KANK1: variants seen among roughly 807,000 people sequenced by gnomAD.
The protein encoded by KANK1 is KN motif and ankyrin repeat domain-containing protein 1.
In KANK1, 109 loss-of-function variants were observed where a neutral mutation model predicts 106.2. The ratio of observed to expected loss-of-function variants is 1.03; its 90% CI spans 0.88 to 1.20. The LOEUF is 1.20. Ranked by LOEUF, KANK1 falls within the 50% of genes most tolerant of loss-of-function variation. The pLI, the probability that KANK1 is intolerant of heterozygous loss-of-function variation, is 0.00. For synonymous variants in KANK1, 873 were observed against 652.2 expected (o/e 1.34, Z -5.16); for missense variants, 2,399 against 1,710.7 (o/e 1.40, Z -7.10).
At chr9:680,125 A>G (rs573764261) in intron 2 of KANK1, among the ~76,000 whole-genome samples, 8 of 152,268 alleles carry the variant, frequency 5.3e-5, no homozygotes, top group East Asian at 1.9e-4. Flanking sequence ...TGTTTCTTCA[A>G]TTTCCAAAAA....
At chr9:473,689 A>G (rs1272897268) in intron 3 of KANK1, among the ~76,000 whole-genome samples, 1 of 152,104 alleles carries the variant, frequency 6.6e-6, no homozygotes, top group African/African-American at 2.4e-5. Context: ...TCTTGCACCC[A>G]GAAAGAACAA....
intron 1 of KANK1, among the ~76,000 whole-genome samples, chr9:508,506 C>G (rs2132724148): frequency 6.6e-6 from 1 of 152,296 alleles, no homozygotes; most frequent in African/African-American, 2.4e-5. Flanking sequence ...ATAACAAGTA[C>G]TCACGGAAAG....
At chr9:660,584 T>C (rs1843068768) in intron 1 of KANK1, among the ~76,000 whole-genome samples, 3 of 152,146 alleles carry the variant, frequency 2.0e-5, no homozygotes, top group Admixed American at 2.0e-4. Context: ...AAAGCAATAC[T>C]GTCATGTTTC....
At chr9:558,163 TAAG>T (rs1454138735) in intron 1 of KANK1, among the ~76,000 whole-genome samples, 3 of 152,070 alleles carry the variant, frequency 2.0e-5, no homozygotes, top group Non-Finnish European at 4.4e-5. Context: ...GGAAGGGCAT[TAAG>T]GAGGAGCATA....
chr9:743,754 G>T (rs1047033081), intron 10 of KANK1, among the ~76,000 whole-genome samples: 4 of 152,106 alleles, frequency 2.6e-5, no homozygotes, highest in East Asian at 1.9e-4. Context: ...CTCAGATACC[G>T]TGGTGGTTGA....
upstream of KANK1, among the ~76,000 whole-genome samples, chr9:503,668 C>T (rs2058610446): frequency 6.6e-6 from 1 of 152,184 alleles, no homozygotes; most frequent in Non-Finnish European, 1.5e-5. Flanking sequence ...CAGTTGACTG[C>T]AGAGCTAACA....
intron 1 of KANK1, among the ~76,000 whole-genome samples, chr9:624,858 C>G (rs1833975150): frequency 6.6e-6 from 1 of 152,100 alleles, no homozygotes; most frequent in South Asian, 2.1e-4. Context: ...AGCTGCCTTA[C>G]CAAGCCACCA....
rs1445251967 is a variant in KANK1, at chr9:543,530, G to A, written c.-84+38776G>A. Among the ~76,000 whole-genome samples, 13 of 147,924 alleles carry A rather than the reference G, an allele frequency of 8.8e-5. No individual in the cohort carries two copies. The Admixed American group carries it at 8.9e-4, about 10-fold the overall frequency. ...ATCAAGATCACACCATTGCACTCCA[G>A]CCTGGGCAACAAGAGTGAAACTCTG... On this transcript the variant is annotated intron_variant, in intron 1 of 11. Transcript: ENST00000382297.
At chr9:523,806 G>T (rs1449545523) in intron 1 of KANK1, among the ~76,000 whole-genome samples, 1 of 134,098 alleles carries the variant, frequency 7.5e-6, no homozygotes, top group Admixed American at 7.5e-5. Context: ...CTCTTAATCC[G>T]CTTGGCCTCT....
At chr9:724,548 A>G (rs1830181466) in intron 3 of KANK1, among the ~76,000 whole-genome samples, 1 of 152,190 alleles carries the variant, frequency 6.6e-6, no homozygotes, top group African/African-American at 2.4e-5. Context: ...CTGTAATCCC[A>G]GAACTTTGGG....
In KANK1 at chr9:710,994, C is replaced by G. The variant is rs1304653185; in HGVS notation, c.228C>G (p.Pro76=). 6.2e-7 allele frequency: 1 copy of G among 1,614,168 alleles called. No homozygotes were observed. Among genetic ancestry groups the G allele is most frequent in the South Asian group, 1.1e-5 (1 of 91,088 alleles). Residue 76 remains proline, a synonymous_variant, in exon 3 of 12, where the codon CCC becomes CCG. Coordinates refer to ENST00000382297, the MANE Select transcript of KANK1 (RefSeq NM_015158.5). ...AGCCGTCCGTGCCATGCCCAGAACC[C>G]AGGACCACATCTGGTCAGCAAGGTA... is the stretch of plus-strand genomic sequence containing the variant. ...RRKPSVPCPE[P]RTTSGQQGIW...
chr9:531,971 A>G (rs1288248390), intron 1 of KANK1, among the ~76,000 whole-genome samples: 3 of 152,228 alleles, frequency 2.0e-5, no homozygotes, highest in South Asian at 2.1e-4. Context: ...CAGCATGCAC[A>G]TGAGTGAGGA....
rs763767983 is a variant in KANK1 at position 689,476 on chromosome 9, G to A, written c.37+12467G>A. 3.9e-5 allele frequency among the ~76,000 whole-genome samples: 6 copies of A among 152,260 alleles called. No individual in the cohort carries two copies. In the East Asian group the frequency reaches 5.8e-4, roughly 15 times the overall value. On this transcript the variant is annotated intron_variant, in intron 2 of 11. Coordinates refer to ENST00000382297, the MANE Select transcript of KANK1 (RefSeq NM_015158.5). Reference sequence around the variant, plus strand: ...TCCCCTCATGTTAAGTCTTCTGAGCGGATCCTGCTAATCCAGGCATGTAAA... The same window carrying A: ...TCCCCTCATGTTAAGTCTTCTGAGCAGATCCTGCTAATCCAGGCATGTAAA...
chr9:532,687 T>TAAA (rs913616708), intron 1 of KANK1, among the ~76,000 whole-genome samples: 7 of 152,190 alleles, frequency 4.6e-5, no homozygotes, highest in Non-Finnish European at 8.8e-5. Flanking sequence ...ATTTGCCCTT[T>TAAA]AAGCCTTACC....
At chr9:716,570 T>G (rs4740866) in intron 3 of KANK1, among the ~76,000 whole-genome samples, 28,661 of 152,060 alleles carry the variant, frequency 0.19, 3,802 homozygotes, top group East Asian at 0.62. Flanking sequence ...CCAGAGTCAT[T>G]CAGAATCCGT....
At chr9:661,260 G>A (rs777217088) in intron 1 of KANK1, among the ~76,000 whole-genome samples, 1 of 150,982 alleles carries the variant, frequency 6.6e-6, no homozygotes, top group East Asian at 1.9e-4. Flanking sequence ...TTCTCTTAAT[G>A]CTATCCCTCC....
At chr9:568,478 A>C (rs577223860) in intron 1 of KANK1, among the ~76,000 whole-genome samples, 3 of 152,078 alleles carry the variant, frequency 2.0e-5, no homozygotes, top group Admixed American at 2.0e-4. Context: ...AGAGGCAGAG[A>C]CTTGCTCTGT....
intron 1 of KANK1, among the ~76,000 whole-genome samples, chr9:628,962 C>G (rs1835022625): frequency 6.6e-6 from 1 of 151,386 alleles, no homozygotes; most frequent in South Asian, 2.1e-4. Context: ...CGCCTGTAAT[C>G]CCAGCTACTC....
At chr9:721,482 G>A (rs1399883332) in intron 3 of KANK1, among the ~76,000 whole-genome samples, 1 of 152,154 alleles carries the variant, frequency 6.6e-6, no homozygotes, top group Non-Finnish European at 1.5e-5. Context: ...ATTAGCCCAA[G>A]CATAATAAGA....
Sources: allele counts gnomAD v4.1 joint callset (sites outside exome capture counted in the v4.1 genomes callset), GRCh38; gene constraint gnomAD v4.1.1; transcripts MANE v1.5; gene names NCBI Gene and HGNC (gene_info 2026-07-23, HGNC 2026-07-21).